The following PCTP variants were observed in gnomAD, a reference collection of about 807,000 sequenced individuals.
PCTP encodes the protein START domain-containing protein 2.
Under a neutral mutation model 31.0 loss-of-function variants are expected in PCTP, and 27 were observed. The ratio of observed to expected loss-of-function variants is 0.87; its 90% confidence interval spans 0.64 to 1.20. The LOEUF is 1.20. PCTP is among the 50% of genes most tolerant of loss of function. PCTP has a pLI of 0.00. For synonymous variants in PCTP, 108 were observed against 101.2 expected (o/e 1.07, Z -0.40); for missense variants, 287 against 268.2 (o/e 1.07, Z -0.49).
downstream of PCTP, among the ~76,000 whole-genome samples, chr17:55,781,644 G>A (rs952059343): frequency 6.6e-6 from 1 of 152,284 alleles, no homozygotes; most frequent in South Asian, 2.1e-4. Context: ...CCAACAATAT[G>A]TATGGCAGTG....
At chr17:55,810,591 G>A (rs563521448) in intron 3 of PCTP, among the ~76,000 whole-genome samples, 4 of 152,260 alleles carry the variant, frequency 2.6e-5, no homozygotes, top group East Asian at 1.9e-4. Flanking sequence ...TCATCTACTC[G>A]TTGTCCCTAA....
intron 5 of PCTP, among the ~76,000 whole-genome samples, chr17:55,837,890 C>T (rs577522438): frequency 6.6e-5 from 10 of 152,234 alleles, no homozygotes; most frequent in African/African-American, 1.9e-4. Context: ...AATCCCAGCA[C>T]TTCAGGAGGC....
At chr17:55,757,623 A>G (rs993532720) in intron 1 of PCTP, among the ~76,000 whole-genome samples, 1 of 152,158 alleles carries the variant, frequency 6.6e-6, no homozygotes. Context: ...TCATCAATGA[A>G]TAAGTTCTAT....
intron 3 of PCTP, among the ~76,000 whole-genome samples, chr17:55,822,379 A>C (rs1387396706): frequency 1.3e-5 from 2 of 152,274 alleles, no homozygotes; most frequent in East Asian, 3.9e-4. Context: ...CAGTACCTTG[A>C]CTGTGGCCTT....
At chr17:55,795,729 A>G (rs1208008158) in intron 3 of PCTP, among the ~76,000 whole-genome samples, 1 of 152,058 alleles carries the variant, frequency 6.6e-6, no homozygotes, top group East Asian at 1.9e-4. Context: ...TAAAAAATGT[A>G]CTTGTTGAAT....
Position 55,776,626 on chromosome 17 carries a change from G to A in PCTP, c.*526G>A, listed in dbSNP as rs1382431472. Reference sequence around the variant, plus strand: ...CACCCAAACTGGATGACGTGCCAATGTCCATTTGCCTTATGCTTTGTGGAG... The same window carrying A: ...CACCCAAACTGGATGACGTGCCAATATCCATTTGCCTTATGCTTTGTGGAG... On this transcript the variant is annotated 3_prime_UTR_variant, in exon 6 of 6. Coordinates refer to ENST00000268896, the MANE Select transcript of PCTP (RefSeq NM_021213.4). 1 of 1,230,584 alleles carries A rather than the reference G, an allele frequency of 8.1e-7. No homozygotes were observed. The highest frequency in any genetic ancestry group is 1.0e-6 in the Non-Finnish European group (1 of 987,802). 76.2% of individuals were successfully genotyped at this position (1,230,584 alleles called of 1,614,324 possible).
intron 1 of PCTP, chr17:55,751,516 A>G (rs557429101): frequency 1.4e-6 from 2 of 1,433,718 alleles, no homozygotes; most frequent in Admixed American, 2.1e-5. Flanking sequence ...AGTTAATGAC[A>G]GTTGAAACGT....
intron 5 of PCTP, among the ~76,000 whole-genome samples, chr17:55,838,801 A>C (rs1905861075): frequency 6.6e-6 from 1 of 152,354 alleles, no homozygotes; most frequent in African/African-American, 2.4e-5. Flanking sequence ...AGCTCAAAGA[A>C]GTGTACTTAT....
Position 55,809,549 on chromosome 17 carries a change from G to A in PCTP, c.318-13212G>A, listed in dbSNP as rs1478684583. ...TTTTTTTTTTTTTTTTGGAGACGAA[G>A]TCTTGCTCTGTCACCCAGGCTGGAG... On this transcript the variant is annotated intron_variant, in intron 3 of 3. Transcript: ENST00000572536. 2.8e-5 allele frequency among the ~76,000 whole-genome samples: 4 copies of A among 142,408 alleles called. No individual in the cohort carries two copies. In the East Asian group the frequency reaches 6.3e-4, roughly 23 times the overall value. 93.4% of individuals were successfully genotyped at this position (142,408 alleles called of 152,430 possible).
At chr17:55,804,104 G>GA (rs1052568309) in intron 3 of PCTP, among the ~76,000 whole-genome samples, 1 of 152,058 alleles carries the variant, frequency 6.6e-6, no homozygotes, top group Non-Finnish European at 1.5e-5. Context: ...ACAAACATAT[G>GA]AAAAAAAGAT....
At chr17:55,811,507 T>A (rs1912750062) in intron 3 of PCTP, among the ~76,000 whole-genome samples, 1 of 152,226 alleles carries the variant, frequency 6.6e-6, no homozygotes, top group Non-Finnish European at 1.5e-5. Flanking sequence ...GAACAATTTC[T>A]CATTGGCACC....
chr17:55,845,796 C>T (rs914116901), downstream of PCTP, among the ~76,000 whole-genome samples: 4 of 152,148 alleles, frequency 2.6e-5, no homozygotes, highest in South Asian at 2.1e-4. Context: ...CCAGCAACAC[C>T]CCCTCCCCCC....
At chr17:55,770,634 A>C (rs1038285642) in intron 2 of PCTP, 4 of 152,310 alleles carry the variant, frequency 2.6e-5, no homozygotes, top group African/African-American at 9.6e-5. Context: ...ATAAGCTTTC[A>C]GTGGAAATTA....
intron 5 of PCTP, among the ~76,000 whole-genome samples, chr17:55,842,077 T>G (rs1402645314): frequency 6.6e-6 from 1 of 152,196 alleles, no homozygotes; most frequent in Non-Finnish European, 1.5e-5. Context: ...CTTAAAATAC[T>G]TCAATGAATA....
intron 3 of PCTP, among the ~76,000 whole-genome samples, chr17:55,795,534 C>A (rs939814226): frequency 1.3e-5 from 2 of 151,980 alleles, no homozygotes; most frequent in African/African-American, 4.8e-5. Flanking sequence ...TCTCTGAGAG[C>A]CAAATACTTC....
At chr17:55,832,766 A>C (rs1050982671) in intron 5 of PCTP, among the ~76,000 whole-genome samples, 1 of 152,202 alleles carries the variant, frequency 6.6e-6, no homozygotes, top group East Asian at 1.9e-4. Context: ...GGGCTAAAAC[A>C]ATTTTGCTGA....
intron 3 of PCTP, among the ~76,000 whole-genome samples, chr17:55,819,010 C>CAAAAAA (rs56823756): frequency 0.034 from 1,754 of 51,164 alleles, 6 homozygotes; most frequent in Non-Finnish European, 0.049. Flanking sequence ...GGAAAGAAAT[C>CAAAAAA]AAAAAAAAAA....
chr17:55,851,939 G>A, the PCTP span, among the ~76,000 whole-genome samples: 3 of 126,442 alleles, frequency 2.4e-5, no homozygotes, highest in African/African-American at 1.6e-4. Flanking sequence ...TCCTGAAGCT[G>A]CTGTGTGTCA....
At chr17:55,805,505 A>C (rs973583502) in intron 3 of PCTP, among the ~76,000 whole-genome samples, 7 of 152,116 alleles carry the variant, frequency 4.6e-5, no homozygotes, top group Admixed American at 1.3e-4. Context: ...GTCTTCCAGC[A>C]CCATCCATGT....
Sources: gnomAD v4.1 joint callset for allele counts (sites outside exome capture counted in the v4.1 genomes callset) on GRCh38, gnomAD v4.1.1 for gene constraint, MANE v1.5 for transcripts, NCBI Gene and HGNC (gene_info 2026-07-23, HGNC 2026-07-21) for gene names.